Variants in COL21A1 observed in about 807,000 individuals in gnomAD.
The protein encoded by COL21A1 is collagen alpha-1(XXI) chain.
Under a neutral mutation model 137.9 loss-of-function variants are expected in COL21A1, and 149 were observed. That is an observed-to-expected ratio of 1.08 (90% CI 0.95 to 1.24). The LOEUF (loss-of-function observed/expected upper bound fraction) is 1.24. Ranked by LOEUF, COL21A1 falls within the 50% of genes most tolerant of loss-of-function variation. The probability of loss-of-function intolerance (pLI) is 0.00; values close to 1 mark genes in which losing one functional copy is unlikely to be tolerated. For missense variants in COL21A1, 1,167 were observed against 1,158.4 expected, an observed-to-expected ratio of 1.01 and a Z score of -0.11; for synonymous variants, 456 against 391.5, an observed-to-expected ratio of 1.16 and a Z score of -1.95.
Position 56,073,904 on chromosome 6 carries a change from CT to C in COL21A1, c.1965+327del, listed in dbSNP as rs1361812912. Among the ~76,000 whole-genome samples, 5 of 151,370 alleles carry C rather than the reference CT, an allele frequency of 3.3e-5. No individual in the cohort carries two copies. The East Asian group carries it at 9.7e-4, about 29-fold the overall frequency. On this transcript the variant is annotated intron_variant, in intron 20 of 29. Transcript: ENST00000244728. ...TTGTAAGAGATATTCTTATTCATAA[CT>C]ATGAATGCTCTAGACTGGTGGTTTT...
In COL21A1 at chr6:56,289,707, T is replaced by C. The variant is rs578038121; in HGVS notation, c.-39+104264A>G. Among the ~76,000 whole-genome samples the C allele has an allele frequency of 5.0e-4, 76 of 152,316 alleles. 1 individual carries two copies. The South Asian group carries it at 0.015, about 31-fold the overall frequency. Reference sequence around the variant, plus strand: ...CCGGGAATACCAACCTGGAGAGTCATTGATTACCTGATAGGAACATCTTAG... The same window carrying C: ...CCGGGAATACCAACCTGGAGAGTCACTGATTACCTGATAGGAACATCTTAG... On this transcript the variant is annotated intron_variant, in intron 1 of 28. Coordinates refer to the COL21A1 transcript ENST00000370819.
chr6:56,310,393 G>A (rs1005773227), intron 1 of COL21A1, among the ~76,000 whole-genome samples: 1 of 152,112 alleles, frequency 6.6e-6, no homozygotes, highest in African/African-American at 2.4e-5. Context: ...CAAATCAGTT[G>A]AGTTGGAATC....
At chr6:56,217,409 T>C (rs1780554990) in intron 1 of COL21A1, among the ~76,000 whole-genome samples, 1 of 152,014 alleles carries the variant, frequency 6.6e-6, no homozygotes, top group African/African-American at 2.4e-5. Context: ...AACCATGAAT[T>C]TTCTCAGAAA....
At chr6:56,143,262 G>A (rs1432869337) in intron 10 of COL21A1, among the ~76,000 whole-genome samples, 1 of 145,822 alleles carries the variant, frequency 6.9e-6, no homozygotes, top group African/African-American at 2.6e-5. Context: ...GTGCAGTGGT[G>A]CAATCTCGGC....
intron 12 of COL21A1, among the ~76,000 whole-genome samples, chr6:56,139,880 G>T (rs950442975): frequency 6.6e-6 from 1 of 152,054 alleles, no homozygotes; most frequent in African/African-American, 2.4e-5. Flanking sequence ...CTTAAAAGTT[G>T]AATGTACTAA....
Position 56,168,247 on chromosome 6 carries a change from T to C in COL21A1, c.1077A>G (p.Gln359=). The C allele has an allele frequency of 6.4e-7, 1 of 1,570,748 alleles. No homozygotes were observed. The highest frequency in any genetic ancestry group is 8.7e-7 in the Non-Finnish European group (1 of 1,155,022). The part of the protein sequence containing the change: ...WHQIRLLVTE[Q]DVTLYIDDQQ... ...GGTCATCAATATACAAAGTCACATC[T>C]TGTTCTGTTACTAAGAGACGAATTT... Residue 359 remains glutamine (Q), a synonymous_variant, in exon 6 of 30, where the codon CAA becomes CAG. Transcript: ENST00000244728.
chr6:56,224,043 G>T (rs1781035866), intron 1 of COL21A1, among the ~76,000 whole-genome samples: 1 of 151,988 alleles, frequency 6.6e-6, no homozygotes, highest in Admixed American at 6.6e-5. Flanking sequence ...ATTTTTTCCA[G>T]TATAAACATT....
At chr6:56,206,702 A>T (rs1476534272) in intron 1 of COL21A1, among the ~76,000 whole-genome samples, 1 of 13,032 alleles carries the variant, frequency 7.7e-5, no homozygotes, top group Non-Finnish European at 1.3e-4. Flanking sequence ...AAATAAATAT[A>T]TATATATATA....
chr6:56,355,438 G>T (rs984657988), intron 1 of COL21A1, among the ~76,000 whole-genome samples: 2 of 151,908 alleles, frequency 1.3e-5, no homozygotes, highest in African/African-American at 4.8e-5. Flanking sequence ...GGGGTGGGGG[G>T]TAAACCTGTA....
intron 1 of COL21A1, among the ~76,000 whole-genome samples, chr6:56,242,322 T>C (rs997170880): frequency 6.6e-6 from 1 of 152,198 alleles, no homozygotes; most frequent in Admixed American, 6.5e-5. Flanking sequence ...ACGTAATTAA[T>C]GCAAAAGACT....
At chr6:56,325,923 A>T (rs1483328297) in intron 1 of COL21A1, among the ~76,000 whole-genome samples, 2 of 36,586 alleles carry the variant, frequency 5.5e-5, no homozygotes, top group Non-Finnish European at 8.4e-5. Context: ...TATATTATAT[A>T]ATATATATAA....
chr6:56,166,116 GAA>G (rs1776566148), intron 7 of COL21A1, among the ~76,000 whole-genome samples: 1 of 151,888 alleles, frequency 6.6e-6, no homozygotes, highest in Admixed American at 6.6e-5. Context: ...GACACTTTGA[GAA>G]AAAGTGTCAG....
At chr6:56,268,951 A>C (rs1349967504) in intron 1 of COL21A1, among the ~76,000 whole-genome samples, 1 of 152,208 alleles carries the variant, frequency 6.6e-6, no homozygotes, top group East Asian at 1.9e-4. Flanking sequence ...GAACTGAAAA[A>C]TTTACCACAA....
rs562152515 is a variant in COL21A1, at chr6:56,229,783, G to A, written c.-39+17604C>T. 4.6e-5 allele frequency among the ~76,000 whole-genome samples: 7 copies of A among 151,990 alleles called. No individual in the cohort carries two copies. The South Asian group carries it at 1.5e-3, about 32-fold the overall frequency. On this transcript the variant is annotated intron_variant, in intron 1 of 29. Transcript: ENST00000244728. Reference sequence around the variant, plus strand: ...TCAGCTCGTTGGCCATGAGTATCATGGGGCCAGAAAACGTAATCTGACTGT... The same window carrying A: ...TCAGCTCGTTGGCCATGAGTATCATAGGGCCAGAAAACGTAATCTGACTGT...
At chr6:56,334,839 T>C (rs1765302862) in intron 1 of COL21A1, among the ~76,000 whole-genome samples, 3 of 152,164 alleles carry the variant, frequency 2.0e-5, no homozygotes. Flanking sequence ...GGGCTCCTGA[T>C]TAAAGAATGA....
At chr6:56,114,488 CA>C (rs1346647384) in intron 16 of COL21A1, among the ~76,000 whole-genome samples, 3 of 152,186 alleles carry the variant, frequency 2.0e-5, no homozygotes, top group African/African-American at 7.2e-5. Context: ...TAAAAACAAA[CA>C]ACCCCATCAA....
chr6:56,164,089 CA>C (rs1776386808), intron 9 of COL21A1, among the ~76,000 whole-genome samples: 2 of 152,158 alleles, frequency 1.3e-5, no homozygotes, highest in Admixed American at 6.5e-5. Context: ...ACCATGTCTT[CA>C]CAAATGCCCT....
At chr6:56,313,749 T>C (rs574651475) in intron 1 of COL21A1, among the ~76,000 whole-genome samples, 3 of 152,086 alleles carry the variant, frequency 2.0e-5, no homozygotes, top group Non-Finnish European at 2.9e-5. Flanking sequence ...GAGTTCAACA[T>C]ACAACCATTA....
chr6:56,069,410 A>G (rs1195249853), intron 21 of COL21A1, among the ~76,000 whole-genome samples: 1 of 151,412 alleles, frequency 6.6e-6, no homozygotes, highest in Non-Finnish European at 1.5e-5. Flanking sequence ...ACGAAATAAT[A>G]AAGTTGTAAA....
Sources: gnomAD v4.1 joint callset for allele counts (sites outside exome capture counted in the v4.1 genomes callset) on GRCh38, gnomAD v4.1.1 for gene constraint, MANE v1.5 for transcripts, NCBI Gene and HGNC (gene_info 2026-07-23, HGNC 2026-07-21) for gene names.